SDCCAG8: variants seen among roughly 807,000 people sequenced by gnomAD.
The protein encoded by SDCCAG8 is serologically defined colon cancer antigen 8.
SDCCAG8 carries 74 observed loss-of-function variants against 101.8 expected under a neutral mutation model. The ratio of observed to expected loss-of-function variants is 0.73; its 90% CI spans 0.60 to 0.88. The LOEUF is 0.88. SDCCAG8 is among the 40% of genes least tolerant of loss of function. The pLI is 0.00. For synonymous variants in SDCCAG8, 281 were observed against 292.9 expected (o/e 0.96, Z 0.41); for missense variants, 787 against 822.6 (o/e 0.96, Z 0.53).
chr1:243,418,373 T>A (rs1347966590), intron 15 of SDCCAG8, among the ~76,000 whole-genome samples: 1 of 152,174 alleles, frequency 6.6e-6, no homozygotes, highest in Admixed American at 6.5e-5. Context: ...TGCAGATAAA[T>A]CAAGCAGTTA....
chr1:243,291,871 G>C (rs1027897899), intron 5 of SDCCAG8, among the ~76,000 whole-genome samples: 2 of 152,102 alleles, frequency 1.3e-5, no homozygotes, highest in Non-Finnish European at 2.9e-5. Context: ...AGGTCTCTTG[G>C]TTATCCACAA....
Position 243,489,015 on chromosome 1 carries a change from C to A in SDCCAG8, c.1987C>A (p.Leu663Ile), listed in dbSNP as rs751286389. 1 of 1,613,406 alleles carries A rather than the reference C, an allele frequency of 6.2e-7. No homozygotes were observed. Among genetic ancestry groups the A allele is most frequent in the South Asian group, 1.1e-5 (1 of 91,068 alleles). Reference protein sequence around the residue: ...GRVHETMKQRLRQLDKHSQAT... With the variant: ...GRVHETMKQRIRQLDKHSQAT... ...ATTCTGCGGTGGATTTTTCTCCAGG[C>A]TAAGGCAGCTGGATAAGCACAGCCA... Residue 663 changes from leucine to isoleucine, a missense_variant and splice_region_variant, in exon 17 of 18, where the codon CTA (leucine) becomes ATA (isoleucine). Coordinates refer to ENST00000366541, the MANE Select transcript of SDCCAG8 (RefSeq NM_006642.5).
chr1:243,457,608 G>A (rs903256817), intron 16 of SDCCAG8, among the ~76,000 whole-genome samples: 11 of 152,182 alleles, frequency 7.2e-5, no homozygotes, highest in East Asian at 1.9e-4. Context: ...CGGTGCATAC[G>A]TGACATTTGT....
At chr1:243,454,935 G>A (rs2083633106) in intron 16 of SDCCAG8, among the ~76,000 whole-genome samples, 1 of 151,976 alleles carries the variant, frequency 6.6e-6, no homozygotes, top group South Asian at 2.1e-4. Context: ...CAGATACGGT[G>A]GAAATAAACT....
intron 13 of SDCCAG8, 145 bp downstream of exon 13, chr1:243,379,008 T>C: frequency 1.0e-6 from 1 of 985,760 alleles, no homozygotes; most frequent in Non-Finnish European, 1.6e-6. Context: ...GGAGATGTGG[T>C]AAGCAAAACA....
At chr1:243,450,923 T>A (rs552922209) in intron 16 of SDCCAG8, among the ~76,000 whole-genome samples, 2 of 152,336 alleles carry the variant, frequency 1.3e-5, no homozygotes, top group East Asian at 3.9e-4. Flanking sequence ...CCTCCCAAAA[T>A]CCTGGGATTA....
chr1:243,367,546 G>A (rs2077053342), intron 12 of SDCCAG8, among the ~76,000 whole-genome samples: 1 of 151,882 alleles, frequency 6.6e-6, no homozygotes, highest in Admixed American at 6.6e-5. Context: ...CTCAGAAACA[G>A]TGGGTGATCT....
chr1:243,469,298 C>T (rs1177203880), intron 16 of SDCCAG8, among the ~76,000 whole-genome samples: 1 of 152,056 alleles, frequency 6.6e-6, no homozygotes, highest in East Asian at 1.9e-4. Flanking sequence ...TGATGAAATG[C>T]ACTTAATACA....
At chr1:243,351,225 T>G (rs2076065642) in intron 12 of SDCCAG8, among the ~76,000 whole-genome samples, 1 of 152,134 alleles carries the variant, frequency 6.6e-6, no homozygotes, top group Non-Finnish European at 1.5e-5. Flanking sequence ...ACAGAGTTGC[T>G]CTCCAGTATT....
chr1:243,372,044 T>C (rs1314765236), intron 12 of SDCCAG8, among the ~76,000 whole-genome samples: 1 of 152,118 alleles, frequency 6.6e-6, no homozygotes, highest in Non-Finnish European at 1.5e-5. Context: ...AACTAGTAAA[T>C]ACTAAATTTC....
At chr1:243,482,601 G>A (rs1443678203) in intron 16 of SDCCAG8, among the ~76,000 whole-genome samples, 3 of 152,220 alleles carry the variant, frequency 2.0e-5, no homozygotes, top group African/African-American at 7.2e-5. Flanking sequence ...CTGTGCCTGA[G>A]ATTAGGACGG....
intron 16 of SDCCAG8, among the ~76,000 whole-genome samples, chr1:243,478,187 T>C (rs969861639): frequency 6.6e-6 from 1 of 152,134 alleles, no homozygotes; most frequent in Non-Finnish European, 1.5e-5. Context: ...CCTTAAATTC[T>C]CAAGTTTGAC....
At chr1:243,440,606 GT>G (rs2082469088) in intron 16 of SDCCAG8, among the ~76,000 whole-genome samples, 1 of 152,196 alleles carries the variant, frequency 6.6e-6, no homozygotes, top group Non-Finnish European at 1.5e-5. Context: ...AGGCAGCAGT[GT>G]TCCAATTGTG....
At chr1:243,343,597 A>G (rs1246188667) in intron 11 of SDCCAG8, among the ~76,000 whole-genome samples, 2 of 152,332 alleles carry the variant, frequency 1.3e-5, no homozygotes, top group Admixed American at 6.5e-5. Flanking sequence ...TCATAAGTGC[A>G]TAGTGTGCTT....
At chr1:243,407,080 A>G (rs140546860) in intron 13 of SDCCAG8, among the ~76,000 whole-genome samples, 1 of 152,252 alleles carries the variant, frequency 6.6e-6, no homozygotes, top group East Asian at 1.9e-4. Flanking sequence ...TCACTAGACA[A>G]TAGACTCTCT....
intron 16 of SDCCAG8, among the ~76,000 whole-genome samples, chr1:243,459,169 T>C (rs923358053): frequency 1.3e-5 from 2 of 152,240 alleles, no homozygotes; most frequent in Non-Finnish European, 2.9e-5. Flanking sequence ...CAGACATTAC[T>C]GTACTTTACA....
intron 12 of SDCCAG8, among the ~76,000 whole-genome samples, chr1:243,350,012 G>C (rs1394058774): frequency 6.6e-6 from 1 of 152,072 alleles, no homozygotes; most frequent in Non-Finnish European, 1.5e-5. Context: ...GGGCAAAAAA[G>C]GATTTGAGGG....
chr1:243,315,620 G>A (rs1251350017), intron 8 of SDCCAG8, among the ~76,000 whole-genome samples: 1 of 152,034 alleles, frequency 6.6e-6, no homozygotes, highest in Non-Finnish European at 1.5e-5. Flanking sequence ...ACCACAAATA[G>A]TTTATTTTAC....
intron 16 of SDCCAG8, among the ~76,000 whole-genome samples, chr1:243,449,216 A>G (rs955735182): frequency 4.6e-5 from 7 of 152,152 alleles, no homozygotes; most frequent in African/African-American, 9.7e-5. Context: ...CTTATTTTTC[A>G]AGGTTTGTAG....
Sources: allele counts gnomAD v4.1 joint callset (sites outside exome capture counted in the v4.1 genomes callset), GRCh38; gene constraint gnomAD v4.1.1; transcripts MANE v1.5; gene names NCBI Gene and HGNC (gene_info 2026-07-23, HGNC 2026-07-21).